MCTP2: variants seen among roughly 807,000 people sequenced by gnomAD.
MCTP2 encodes the protein multiple C2 and transmembrane domain containing 2, also known as multiple C2 and transmembrane domain-containing protein 2.
A neutral mutation model predicts 111.6 loss-of-function variants in MCTP2; 132 were observed. That is an observed-to-expected ratio of 1.18 (90% CI 1.03 to 1.37). The LOEUF (loss-of-function observed/expected upper bound fraction) is 1.37, where lower values mean the gene tolerates loss of function less well. Among genes scored for constraint, MCTP2 ranks in the 40% most tolerant of loss-of-function variants. MCTP2 has a pLI of 0.00. For synonymous variants in MCTP2, 395 were observed against 387.7 expected, an observed-to-expected ratio of 1.02 and a Z score of -0.22; for missense variants, 1,183 against 1,067.9, an observed-to-expected ratio of 1.11 and a Z score of -1.50.
At chr15:94,366,099 C>G (rs1044317310) in intron 10 of MCTP2, among the ~76,000 whole-genome samples, 1 of 152,200 alleles carries the variant, frequency 6.6e-6, no homozygotes, top group South Asian at 2.1e-4. Flanking sequence ...ATTTGATTTC[C>G]CACTTACATC....
chr15:94,255,784 G>A (rs2072726080), intron 1 of MCTP2, among the ~76,000 whole-genome samples: 1 of 152,188 alleles, frequency 6.6e-6, no homozygotes, highest in Admixed American at 6.5e-5. Context: ...GGAAGCAGGG[G>A]AAATGAAGTA....
At chr15:94,433,771 G>T (rs761764654) in intron 17 of MCTP2, among the ~76,000 whole-genome samples, 1 of 152,164 alleles carries the variant, frequency 6.6e-6, no homozygotes, top group South Asian at 2.1e-4. Flanking sequence ...TATATTACCA[G>T]TGTTTTAAAT....
chr15:94,389,043 C>G (rs1165465727), intron 14 of MCTP2, among the ~76,000 whole-genome samples: 1 of 152,026 alleles, frequency 6.6e-6, no homozygotes, highest in Non-Finnish European at 1.5e-5. Context: ...GGCACCTGTG[C>G]AATAAACACG....
At chr15:94,251,671 T>G (rs534235273) in intron 1 of MCTP2, among the ~76,000 whole-genome samples, 55 of 152,320 alleles carry the variant, frequency 3.6e-4, no homozygotes, top group African/African-American at 1.2e-3. Context: ...AATGATCATT[T>G]TTAAGTATAC....
At chr15:94,406,120 G>T (rs1337576141) in intron 17 of MCTP2, among the ~76,000 whole-genome samples, 1 of 152,156 alleles carries the variant, frequency 6.6e-6, no homozygotes, top group Non-Finnish European at 1.5e-5. Flanking sequence ...TTCCCACACA[G>T]ATTTTGACTA....
At chr15:94,460,042 A>G (rs1386759141) in intron 20 of MCTP2, among the ~76,000 whole-genome samples, 1 of 152,172 alleles carries the variant, frequency 6.6e-6, no homozygotes, top group Non-Finnish European at 1.5e-5. Context: ...TTGGATTGGA[A>G]CCTGTCCTCC....
intron 1 of MCTP2, among the ~76,000 whole-genome samples, chr15:94,295,674 C>G (rs1384273874): frequency 6.6e-6 from 1 of 152,080 alleles, no homozygotes; most frequent in Non-Finnish European, 1.5e-5. Context: ...TTACAACGGA[C>G]TTTTCAGTTA....
intron 1 of MCTP2, among the ~76,000 whole-genome samples, chr15:94,261,569 G>A (rs2073181010): frequency 6.6e-6 from 1 of 152,168 alleles, no homozygotes; most frequent in South Asian, 2.1e-4. Flanking sequence ...TGAGTACCAG[G>A]AATGTAGTAC....
intron 17 of MCTP2, among the ~76,000 whole-genome samples, chr15:94,422,411 C>T (rs1329455625): frequency 1.3e-5 from 2 of 152,180 alleles, no homozygotes; most frequent in African/African-American, 4.8e-5. Flanking sequence ...AGTCAAACTT[C>T]AAGCTACATT....
chr15:94,450,596 T>C (rs1392348762), intron 19 of MCTP2, among the ~76,000 whole-genome samples: 5 of 152,246 alleles, frequency 3.3e-5, no homozygotes, highest in African/African-American at 1.2e-4. Context: ...TATAGGCTTT[T>C]AATATTCAGT....
intron 1 of MCTP2, among the ~76,000 whole-genome samples, chr15:94,245,622 A>G (rs927431703): frequency 2.8e-5 from 4 of 145,350 alleles, no homozygotes; most frequent in African/African-American, 7.5e-5. Context: ...ATGTACATGT[A>G]TATATACATA....
chr15:94,344,552 A>T (rs2077856059), intron 7 of MCTP2, among the ~76,000 whole-genome samples: 1 of 152,166 alleles, frequency 6.6e-6, no homozygotes, highest in South Asian at 2.1e-4. Flanking sequence ...ATCAGAAGAG[A>T]ACAGTGGTGA....
intron 17 of MCTP2, among the ~76,000 whole-genome samples, chr15:94,422,142 T>C (rs1385895236): frequency 1.3e-5 from 2 of 152,072 alleles, no homozygotes; most frequent in African/African-American, 4.8e-5. Context: ...CAGTCTCCTT[T>C]CCCCAAGGCT....
chr15:94,458,363 G>T lies in MCTP2; in HGVS notation c.2360+117G>T, dbSNP rs2084970819. On this transcript the variant is annotated intron_variant, in intron 20 of 22. Transcript: ENST00000357742. Reference sequence around the variant, plus strand: ...CAAGAAAATACAAAAACACACCAAAGCAACACTGTTGGGTTAGCACTGTCT... The same window carrying T: ...CAAGAAAATACAAAAACACACCAAATCAACACTGTTGGGTTAGCACTGTCT... The T allele has an allele frequency of 4.4e-6, 3 of 678,836 alleles. No homozygotes were observed. The East Asian group carries it at 8.2e-5, about 19-fold the overall frequency. The allele number at this position is 678,836 out of a possible 1,614,324, so 42.1% of individuals were successfully genotyped here.
intron 22 of MCTP2, among the ~76,000 whole-genome samples, chr15:94,477,273 T>A (rs1166452464): frequency 6.6e-6 from 1 of 152,224 alleles, no homozygotes; most frequent in Non-Finnish European, 1.5e-5. Context: ...GACTTAGGGA[T>A]GCTGAGAATG....
At chr15:94,444,500 T>G (rs1424675771) in intron 19 of MCTP2, among the ~76,000 whole-genome samples, 2 of 152,102 alleles carry the variant, frequency 1.3e-5, no homozygotes, top group African/African-American at 4.8e-5. Context: ...GGCCACCAGC[T>G]CCCCCATCAT....
At chr15:94,425,671 G>A (rs2082852149) in intron 17 of MCTP2, among the ~76,000 whole-genome samples, 1 of 150,048 alleles carries the variant, frequency 6.7e-6, no homozygotes, top group African/African-American at 2.4e-5. Flanking sequence ...AATGTACAAA[G>A]AGAAAAGACA....
intron 1 of MCTP2, among the ~76,000 whole-genome samples, chr15:94,279,995 C>T (rs1204175517): frequency 2.0e-5 from 3 of 152,030 alleles, no homozygotes; most frequent in Non-Finnish European, 4.4e-5. Flanking sequence ...CTGCTGGATT[C>T]AGTTTGCTTG....
chr15:94,419,283 G>A (rs2082515532), intron 17 of MCTP2, among the ~76,000 whole-genome samples: 1 of 152,092 alleles, frequency 6.6e-6, no homozygotes, highest in Admixed American at 6.6e-5. Flanking sequence ...CATAGAATTA[G>A]TCAAAGACAA....
Sources: gnomAD v4.1 joint callset for allele counts (sites outside exome capture counted in the v4.1 genomes callset) on GRCh38, gnomAD v4.1.1 for gene constraint, MANE v1.5 for transcripts, NCBI Gene and HGNC (gene_info 2026-07-23, HGNC 2026-07-21) for gene names.